MORC2: variants seen among roughly 807,000 people sequenced by gnomAD.
MORC2 encodes MORC family CW-type zinc finger 2, also known as ATPase MORC2.
Under a neutral mutation model 136.0 loss-of-function variants are expected in MORC2, and 30 were observed. That is an observed-to-expected ratio of 0.22 (90% CI 0.17 to 0.30). The LOEUF is 0.30. Ranked by LOEUF, MORC2 falls within the 10% of genes least tolerant of loss-of-function variation. The pLI is 1.00. For synonymous variants in MORC2, 439 were observed against 487.0 expected, an observed-to-expected ratio of 0.90 and a Z score of 1.30; for missense variants, 922 against 1,333.1, an observed-to-expected ratio of 0.69 and a Z score of 4.80.
chr22:30,934,849 C>A lies in MORC2; in HGVS notation c.2125G>T (p.Val709Phe). 1 of 1,614,124 alleles carries A rather than the reference C, an allele frequency of 6.2e-7. No individual in the cohort carries two copies. Among genetic ancestry groups the A allele is most frequent in the Non-Finnish European group, 8.5e-7 (1 of 1,180,012 alleles). Residue 709 changes from valine to phenylalanine, a missense_variant, in exon 19 of 26, where the codon GTT becomes TTT. This residue lies in a region of MORC2 where 184 missense variants were observed against 180.3 expected (regional missense o/e 1.02). Transcript: ENST00000397641. The surrounding 1 kb of genome is among the most constrained non-coding windows in gnomAD (Gnocchi z 4.4). ...LLPNSKSPRE[V>F]PSPKVIKTPV... ...GTCTTGATGACTTTGGGAGAAGGAA[C>A]CTCCCGAGGGCTCTTGGAGTTGGGC...
At chr22:30,928,257 CAG>C in intron 24 of MORC2, 50 bp from the exon 25 acceptor site, 1 of 1,595,490 alleles carries the variant, frequency 6.3e-7, no homozygotes, top group Non-Finnish European at 8.6e-7. Flanking sequence ...CAGGGGTCCC[CAG>C]GGCCCTTCTA....
chr22:30,950,263 T>C lies in MORC2; in HGVS notation c.226+114A>G, dbSNP rs558369744. ...ACAGACTTCTTACTCCCCAGGTGGA[T>C]CTTCTAGACATAACATTGGAGGCAA... On this transcript the variant is annotated intron_variant, in intron 4 of 25. Coordinates refer to ENST00000397641, the MANE Select transcript of MORC2 (RefSeq NM_001303256.3). 5.6e-6 allele frequency: 6 copies of C among 1,073,082 alleles called. No individual in the cohort carries two copies. In the South Asian group the frequency reaches 8.5e-5, roughly 15 times the overall value. 66.5% of individuals were successfully genotyped at this position (1,073,082 alleles called of 1,614,324 possible).
chr22:30,937,046 A>G lies in MORC2; in HGVS notation c.1499-9T>C, dbSNP rs201213165. The G allele has an allele frequency of 7.8e-4, 1,250 of 1,606,302 alleles. No individual in the cohort carries two copies. The highest frequency in any genetic ancestry group is 9.8e-4 in the Non-Finnish European group (1,146 of 1,173,102). Reference sequence around the variant, plus strand: ...CCATTTCAGACACAAATCTGCAGAGAGCAAAAAAACCCCACATATCAGCCA... The same window carrying G: ...CCATTTCAGACACAAATCTGCAGAGGGCAAAAAAACCCCACATATCAGCCA... On this transcript the variant is annotated splice_polypyrimidine_tract_variant and intron_variant, in intron 15 of 25. Transcript: ENST00000397641. The surrounding 1 kb of genome is among the most constrained non-coding windows in gnomAD (Gnocchi z 4.7).
At chr22:30,929,876 G>T (rs1228509524) in intron 24 of MORC2, 1 of 151,824 alleles carries the variant, frequency 6.6e-6, no homozygotes. Context: ...TTTTGACACA[G>T]TCTCGCTCTG....
At chr22:30,943,863 G>A (rs1227560009) in intron 6 of MORC2, among the ~76,000 whole-genome samples, 1 of 152,134 alleles carries the variant, frequency 6.6e-6, no homozygotes, top group East Asian at 1.9e-4. Context: ...TCCGCCTCCT[G>A]GGTTCAAGTG....
chr22:30,937,568 A>G lies in MORC2; in HGVS notation c.1498+15T>C, dbSNP rs1391630172. 6.2e-7 allele frequency: 1 copy of G among 1,611,224 alleles called. No homozygotes were observed. Among genetic ancestry groups the G allele is most frequent in the Non-Finnish European group, 8.5e-7 (1 of 1,179,450 alleles). On this transcript the variant is annotated intron_variant, in intron 15 of 25. Coordinates refer to ENST00000397641, the MANE Select transcript of MORC2 (RefSeq NM_001303256.3). This position sits in a 1 kb window ranked among gnomAD's most constrained non-coding sequence, Gnocchi z 4.7. ...TGATGGAAATGAGTCGGGGGGGTCC[A>G]ACCACCCAACTCACCGCACTGGATG...
Position 30,934,047 on chromosome 22 carries a change from C to CG in MORC2, c.2325+12_2325+13insC. 4 of 1,613,984 alleles carry CG rather than the reference C, an allele frequency of 2.5e-6. No homozygotes were observed. Among genetic ancestry groups the CG allele is most frequent in the Non-Finnish European group, 3.4e-6 (4 of 1,179,944 alleles). ...GAGAGAGAGGCTTTGAGAACCTCAC[C>CG]TCAACCACTCACCTCATTCGAGTCC... On this transcript the variant is annotated intron_variant, in intron 20 of 25. Coordinates refer to ENST00000397641, the MANE Select transcript of MORC2 (RefSeq NM_001303256.3). This position sits in a 1 kb window ranked among gnomAD's most constrained non-coding sequence, Gnocchi z 4.4.
At chr22:30,950,337 G>GCGGGGCCCCCC in intron 4 of MORC2, 40 bp downstream of exon 4, 1 of 761,742 alleles carries the variant, frequency 1.3e-6, no homozygotes, top group Non-Finnish European at 2.3e-6. Context: ...TGGTTACATC[G>GCGGGGCCCCCC]CACCCCCCCA....
At chr22:30,962,539 G>C (rs536663699) in intron 1 of MORC2, among the ~76,000 whole-genome samples, 64 of 150,916 alleles carry the variant, frequency 4.2e-4, no homozygotes, top group Non-Finnish European at 6.5e-4. Flanking sequence ...GGGTTGCAGT[G>C]AGCCAAGACT....
intron 4 of MORC2, among the ~76,000 whole-genome samples, 190 bp downstream of exon 4, chr22:30,950,187 T>G (rs965441143): frequency 6.6e-6 from 1 of 152,216 alleles, no homozygotes; most frequent in Non-Finnish European, 1.5e-5. Flanking sequence ...TCTCCCATGT[T>G]AGGACAAGAC....
In MORC2 at chr22:30,968,302, AGGAAATTTACCAACGC is replaced by A. The variant is rs201088843; in HGVS notation, c.-429_-414del. 103 of 158,444 alleles carry A rather than the reference AGGAAATTTACCAACGC, an allele frequency of 6.5e-4. No homozygotes were observed. The East Asian group carries it at 0.011, about 17-fold the overall frequency. 9.8% of individuals were successfully genotyped at this position (158,444 alleles called of 1,614,324 possible). ...TTTTGGTTCCCCGAAATTTCCTGTCAGGAAATTTACCAACGCGGAAATTTACCCACTTCTGTCAGAA... is the reference window on the plus strand; with the variant it reads ...TTTTGGTTCCCCGAAATTTCCTGTCAGGAAATTTACCCACTTCTGTCAGAA... On this transcript the variant is annotated 5_prime_UTR_variant, in exon 1 of 26. Transcript: ENST00000397641.
At chr22:30,957,734 C>G (rs1291003619) in intron 2 of MORC2, among the ~76,000 whole-genome samples, 6 of 152,280 alleles carry the variant, frequency 3.9e-5, no homozygotes, top group Non-Finnish European at 5.9e-5. Context: ...AATGATGAGT[C>G]AACCAGGATT....
chr22:30,953,154 T>G (rs886749438), intron 3 of MORC2, among the ~76,000 whole-genome samples: 1 of 152,174 alleles, frequency 6.6e-6, no homozygotes, highest in African/African-American at 2.4e-5. Context: ...ACCATAGAGA[T>G]AGATTCCTAT....
At chr22:30,949,723 G>T in intron 5 of MORC2, 29 bp downstream of exon 5, 8 of 1,566,736 alleles carry the variant, frequency 5.1e-6, no homozygotes, top group African/African-American at 1.4e-5. Context: ...TTTTGTTTGA[G>T]CCCTGTGACA....
At chr22:30,957,211 A>G (rs543370980) in intron 2 of MORC2, among the ~76,000 whole-genome samples, 1 of 152,360 alleles carries the variant, frequency 6.6e-6, no homozygotes, top group African/African-American at 2.4e-5. Flanking sequence ...ATATTTTAAG[A>G]AAAAAGGAAG....
intron 1 of MORC2, among the ~76,000 whole-genome samples, chr22:30,962,515 A>G (rs1266681958): frequency 6.6e-6 from 1 of 151,608 alleles, no homozygotes; most frequent in African/African-American, 2.4e-5. Context: ...GGATGGCCTG[A>G]GCCTAAGAAG....
rs768556129 is a variant in MORC2 at position 30,932,877 on chromosome 22, T to C, written c.2522+12A>G. On this transcript the variant is annotated intron_variant, in intron 22 of 25. Transcript: ENST00000397641. The surrounding 1 kb of genome is among the most constrained non-coding windows in gnomAD (Gnocchi z 4.4). ...TCGAGGAACCACTGCTCCTCCCTGA[T>C]TGGGGCATTACCAGCGGTCTCTTGG... 9 of 1,613,986 alleles carry C rather than the reference T, an allele frequency of 5.6e-6. No homozygotes were observed. Among genetic ancestry groups the C allele is most frequent in the Admixed American group, 1.7e-5 (1 of 59,992 alleles).
At chr22:30,964,035 C>G (rs1229972587) in intron 1 of MORC2, among the ~76,000 whole-genome samples, 1 of 152,096 alleles carries the variant, frequency 6.6e-6, no homozygotes, top group Non-Finnish European at 1.5e-5. Context: ...TTGACAGGCT[C>G]CTCTACATTC....
chr22:30,967,695 G>A (rs1351384656), intron 1 of MORC2, 127 bp downstream of exon 1: 2 of 1,486,310 alleles, frequency 1.3e-6, no homozygotes. Context: ...GATATCCAGT[G>A]ACACATTTCA....
Sources: gnomAD v4.1 joint callset for allele counts (sites outside exome capture counted in the v4.1 genomes callset) on GRCh38, gnomAD v4.1.1 for gene constraint, gnomAD v4.1.1 regional missense constraint, Gnocchi (gnomAD v3.1) non-coding constraint, MANE v1.5 for transcripts, NCBI Gene and HGNC (gene_info 2026-07-23, HGNC 2026-07-21) for gene names.